The following CNTNAP2 variants were observed in gnomAD, a reference collection of about 807,000 sequenced individuals.
CNTNAP2 encodes the protein contactin associated protein 2, also known as contactin-associated protein-like 2.
In CNTNAP2, 98 loss-of-function variants were observed where a neutral mutation model predicts 155.2. That is an observed-to-expected ratio of 0.63 (90% CI 0.54 to 0.75). The LOEUF (loss-of-function observed/expected upper bound fraction) is 0.75, where lower values mean the gene tolerates loss of function less well. Among genes scored for constraint, CNTNAP2 ranks in the 30% least tolerant of loss-of-function variants. CNTNAP2 has a pLI of 0.00. For synonymous variants in CNTNAP2, 651 were observed against 631.2 expected (o/e 1.03, Z -0.47); for missense variants, 1,727 against 1,688.1 (o/e 1.02, Z -0.40).
At chr7:148,023,721 T>C (rs138518328) in intron 15 of CNTNAP2, among the ~76,000 whole-genome samples, 169 of 152,288 alleles carry the variant, frequency 1.1e-3, no homozygotes, top group African/African-American at 3.8e-3. Context: ...TTGGATGAAG[T>C]TGGATGCTGT....
intron 13 of CNTNAP2, among the ~76,000 whole-genome samples, chr7:147,640,257 C>A (rs1395113210): frequency 6.6e-6 from 1 of 152,008 alleles, no homozygotes; most frequent in Non-Finnish European, 1.5e-5. Flanking sequence ...TACTTAAAAT[C>A]CATGCTTAGC....
chr7:148,137,676 G>C lies in CNTNAP2; in HGVS notation c.2555-9815G>C. Among the ~76,000 whole-genome samples, 3 of 70,108 alleles carry C rather than the reference G, an allele frequency of 4.3e-5. No homozygotes were observed. In the East Asian group the frequency reaches 1.8e-3, roughly 42 times the overall value. The allele number at this position is 70,108 out of a possible 152,430, so 46.0% of individuals were successfully genotyped here. ...AAGTCTATCTCAGAAAAAAAAGGAA[G>C]GAAGGAAGGAAGGAAGGAAGGAAGG... On this transcript the variant is annotated intron_variant, in intron 16 of 23. Transcript: ENST00000361727.
chr7:148,074,700 T>A (rs1039314156), intron 15 of CNTNAP2, among the ~76,000 whole-genome samples: 10 of 149,902 alleles, frequency 6.7e-5, no homozygotes, highest in African/African-American at 1.7e-4. Flanking sequence ...AAAAAAAAAA[T>A]TGAGAATCTA....
At position 147,100,271 on chromosome 7, in the gene CNTNAP2, C is replaced by T. The variant is rs1375499770; in HGVS notation, c.551-7876C>T. 2.0e-5 allele frequency among the ~76,000 whole-genome samples: 3 copies of T among 152,068 alleles called. No individual in the cohort carries two copies. In the East Asian group the frequency reaches 5.8e-4, roughly 29 times the overall value. On this transcript the variant is annotated intron_variant, in intron 4 of 23. Coordinates refer to ENST00000361727, the MANE Select transcript of CNTNAP2 (RefSeq NM_014141.6). ...AAAAGTTACTAATATTTTCCTGTGTCTGTTTTTTGTGATTCATTGGGCCAA... is the reference window on the plus strand; with the variant it reads ...AAAAGTTACTAATATTTTCCTGTGTTTGTTTTTTGTGATTCATTGGGCCAA...
Position 147,943,106 on chromosome 7 carries a change from A to G in CNTNAP2, c.2256-34756A>G, listed in dbSNP as rs118136296. Among the ~76,000 whole-genome samples, 131 of 152,122 alleles carry G rather than the reference A, an allele frequency of 8.6e-4. No individual in the cohort carries two copies. In the East Asian group the frequency reaches 0.022, roughly 26 times the overall value. The stretch of plus-strand genomic sequence containing the variant: ...CCTACCTTCCCCTGAATTTTGTCAT[A>G]TTTATCAATGCCTTTCTTATGGCAA... On this transcript the variant is annotated intron_variant, in intron 14 of 23. Transcript: ENST00000361727.
At chr7:146,663,052 C>T (rs538087932) in intron 1 of CNTNAP2, among the ~76,000 whole-genome samples, 5 of 151,968 alleles carry the variant, frequency 3.3e-5, no homozygotes, top group Admixed American at 6.6e-5. Context: ...CTAAGGCGGG[C>T]GGATCACCTG....
At chr7:146,726,398 T>C (rs947996495) in intron 1 of CNTNAP2, among the ~76,000 whole-genome samples, 1 of 152,174 alleles carries the variant, frequency 6.6e-6, no homozygotes, top group East Asian at 1.9e-4. Context: ...AACTATTTTT[T>C]TTCTTTTAGC....
intron 1 of CNTNAP2, among the ~76,000 whole-genome samples, chr7:146,118,196 G>A (rs1424517704): frequency 1.3e-5 from 2 of 152,076 alleles, no homozygotes; most frequent in Admixed American, 6.6e-5. Flanking sequence ...CAGTATTACT[G>A]TTTTGACATA....
chr7:146,293,902 A>G (rs908561210), intron 1 of CNTNAP2, among the ~76,000 whole-genome samples: 2 of 152,100 alleles, frequency 1.3e-5, no homozygotes, highest in African/African-American at 4.8e-5. Flanking sequence ...CCTTTTCTCT[A>G]CTCATTTAAA....
intron 13 of CNTNAP2, among the ~76,000 whole-genome samples, chr7:147,657,157 C>G (rs548722196): frequency 1.1e-3 from 171 of 152,230 alleles, no homozygotes; most frequent in Non-Finnish European, 1.9e-3. Flanking sequence ...GAAAAGCAAA[C>G]AAATCAGATT....
chr7:146,884,443 G>C (rs1205834551), intron 3 of CNTNAP2, among the ~76,000 whole-genome samples: 1 of 152,102 alleles, frequency 6.6e-6, no homozygotes, highest in East Asian at 1.9e-4. Flanking sequence ...CTACTATACA[G>C]CTCCTTCTCT....
chr7:148,281,894 G>GGC (rs1796979763), intron 21 of CNTNAP2, among the ~76,000 whole-genome samples: 1 of 132,012 alleles, frequency 7.6e-6, no homozygotes, highest in Non-Finnish European at 1.5e-5. Context: ...GGAGTGCAAT[G>GGC]GCGTGATCTC....
chr7:147,823,392 T>G (rs1798391752), intron 13 of CNTNAP2, among the ~76,000 whole-genome samples: 1 of 152,184 alleles, frequency 6.6e-6, no homozygotes, highest in Non-Finnish European at 1.5e-5. Flanking sequence ...ATTTCTACGT[T>G]GTTTAGTTGT....
intron 1 of CNTNAP2, among the ~76,000 whole-genome samples, chr7:146,712,830 C>T (rs1414300059): frequency 2.0e-5 from 3 of 151,930 alleles, no homozygotes; most frequent in Non-Finnish European, 2.9e-5. Flanking sequence ...AAAGTATTTG[C>T]CATGAATGAC....
chr7:146,384,556 A>C (rs550461721), intron 1 of CNTNAP2, among the ~76,000 whole-genome samples: 8 of 152,332 alleles, frequency 5.3e-5, no homozygotes, highest in Non-Finnish European at 1.2e-4. Flanking sequence ...TTAGTAGTTA[A>C]ATATTTGAAA....
chr7:146,711,780 C>T (rs113627751), intron 1 of CNTNAP2, among the ~76,000 whole-genome samples: 1 of 124,838 alleles, frequency 8.0e-6, no homozygotes, highest in Admixed American at 8.3e-5. Flanking sequence ...GTATACACAT[C>T]TTATGTATAC....
At chr7:148,295,447 A>G (rs1443006043) in intron 21 of CNTNAP2, among the ~76,000 whole-genome samples, 2 of 152,172 alleles carry the variant, frequency 1.3e-5, no homozygotes, top group Non-Finnish European at 2.9e-5. Context: ...AATATGGTAC[A>G]GATATTCCTA....
At chr7:147,918,635 G>A (rs1038990166) in intron 14 of CNTNAP2, among the ~76,000 whole-genome samples, 5 of 151,978 alleles carry the variant, frequency 3.3e-5, no homozygotes, top group African/African-American at 4.8e-5. Context: ...TTTAATGCCC[G>A]GTATTAAGGT....
rs1800073483 is a variant in CNTNAP2, at chr7:148,419,711, TG to T, written c.*4098del. The T allele has an allele frequency of 6.6e-6, 1 of 152,106 alleles. No homozygotes were observed. The highest frequency in any genetic ancestry group is 1.9e-4 in the East Asian group (1 of 5,178). The allele number at this position is 152,106 out of a possible 1,614,324, so 9.4% of individuals were successfully genotyped here. A position where few individuals can be genotyped will look rare whatever the true frequency, so the allele number is the denominator to read the frequency against. ...CGTCCACCTCGGCCTTGCAAATTGC[TG>T]GGATTACAGGTGTGAGCCACCGTGC... On this transcript the variant is annotated 3_prime_UTR_variant, in exon 24 of 24. Coordinates refer to ENST00000361727, the MANE Select transcript of CNTNAP2 (RefSeq NM_014141.6).
Sources: allele counts gnomAD v4.1 joint callset (sites outside exome capture counted in the v4.1 genomes callset), GRCh38; gene constraint gnomAD v4.1.1; transcripts MANE v1.5; gene names NCBI Gene and HGNC (gene_info 2026-07-23, HGNC 2026-07-21).